DOCK10: variants seen among roughly 807,000 people sequenced by gnomAD.
DOCK10 encodes the protein dedicator of cytokinesis protein 10.
Under a neutral mutation model 280.1 loss-of-function variants are expected in DOCK10, and 145 were observed. The observed-to-expected ratio is 0.52, with a 90% CI of 0.45 to 0.59. The LOEUF (loss-of-function observed/expected upper bound fraction) is 0.59. Ranked by LOEUF, DOCK10 falls within the 20% of genes least tolerant of loss-of-function variation. The pLI is 0.00. For missense variants in DOCK10, 2,368 were observed against 2,651.7 expected (o/e 0.89, Z 2.35); for synonymous variants, 915 against 942.2 (o/e 0.97, Z 0.53).
At chr2:224,899,898 T>G (rs193057056) in intron 3 of DOCK10, among the ~76,000 whole-genome samples, 1 of 152,244 alleles carries the variant, frequency 6.6e-6, no homozygotes, top group Admixed American at 6.5e-5. Flanking sequence ...AACTAGGGGA[T>G]AGAAGGCTTT....
At chr2:224,933,812 A>C (rs762822308) in intron 1 of DOCK10, among the ~76,000 whole-genome samples, 7 of 152,238 alleles carry the variant, frequency 4.6e-5, no homozygotes, top group Non-Finnish European at 8.8e-5. Flanking sequence ...TTATAGGTTT[A>C]AAGGCAAATG....
At chr2:224,966,752 C>G (rs1704766629) in intron 1 of DOCK10, among the ~76,000 whole-genome samples, 1 of 152,190 alleles carries the variant, frequency 6.6e-6, no homozygotes, top group East Asian at 1.9e-4. Context: ...TATTAAGTTT[C>G]TTTGGACCTA....
At chr2:224,792,937 C>CCAATA (rs1692300445) in intron 47 of DOCK10, 37 bp downstream of exon 47, 1 of 1,464,400 alleles carries the variant, frequency 6.8e-7, no homozygotes, top group South Asian at 1.2e-5. Context: ...AGTGGATTTC[C>CCAATA]TCTGCATTGG....
chr2:225,007,971 G>C (rs889239220), intron 1 of DOCK10, among the ~76,000 whole-genome samples: 3 of 151,688 alleles, frequency 2.0e-5, no homozygotes, highest in Admixed American at 2.0e-4. Flanking sequence ...TTTTTCAATG[G>C]AGTGGGGGCA....
At chr2:224,952,255 C>T (rs1302173623) in intron 1 of DOCK10, among the ~76,000 whole-genome samples, 2 of 152,096 alleles carry the variant, frequency 1.3e-5, no homozygotes, top group Non-Finnish European at 2.9e-5. Flanking sequence ...ATTTTGTATG[C>T]GTGTGTTTTA....
Position 224,862,735 on chromosome 2 carries a change from C to T in DOCK10, c.1614G>A (p.Lys538=), listed in dbSNP as rs777556099. 1 of 1,602,750 alleles carries T rather than the reference C, an allele frequency of 6.2e-7. No homozygotes were observed. ...AGAATTGTCTGTTGGATTTTAGTAT[C>T]TTTTGTGCATACTAAAGAAAAAATA... is the stretch of plus-strand genomic sequence containing the variant. ...KNPDSNKYAQ[K]ILKSNRQFCS... Residue 538 remains lysine (K), a synonymous_variant, in exon 14 of 56, where the codon AAG becomes AAA. Coordinates refer to ENST00000258390, the MANE Select transcript of DOCK10 (RefSeq NM_014689.3).
At chr2:225,034,644 C>T (rs1296698464) in intron 1 of DOCK10, among the ~76,000 whole-genome samples, 2 of 152,268 alleles carry the variant, frequency 1.3e-5, no homozygotes, top group South Asian at 2.1e-4. Flanking sequence ...GGACTCCACC[C>T]CTCTTATTTC....
intron 1 of DOCK10, among the ~76,000 whole-genome samples, chr2:225,013,970 A>C (rs1165292649): frequency 1.3e-5 from 2 of 151,918 alleles, no homozygotes; most frequent in Non-Finnish European, 2.9e-5. Context: ...AGAGCCTTTC[A>C]TATTTTTATT....
chr2:224,928,011 G>T (rs1702129853), intron 2 of DOCK10, among the ~76,000 whole-genome samples: 2 of 152,104 alleles, frequency 1.3e-5, no homozygotes, highest in African/African-American at 4.8e-5. Context: ...TTGACTCCGT[G>T]GAGATTGACT....
At chr2:224,772,558 C>T (rs1227183066) in intron 53 of DOCK10, among the ~76,000 whole-genome samples, 1 of 152,170 alleles carries the variant, frequency 6.6e-6, no homozygotes, top group African/African-American at 2.4e-5. Flanking sequence ...TTCCACTAAC[C>T]CTCCTCTCCT....
chr2:224,998,008 T>C (rs929842304), intron 1 of DOCK10, among the ~76,000 whole-genome samples: 2 of 152,120 alleles, frequency 1.3e-5, no homozygotes, highest in Non-Finnish European at 2.9e-5. Flanking sequence ...CAGCTGGCTC[T>C]TGTCTGTTTT....
At chr2:224,881,536 C>A (rs951119057) in intron 7 of DOCK10, among the ~76,000 whole-genome samples, 6 of 152,164 alleles carry the variant, frequency 3.9e-5, no homozygotes, top group African/African-American at 1.4e-4. Context: ...TACATCATTT[C>A]TTTGGGCATC....
At chr2:224,815,619 A>C (rs942862333) in intron 30 of DOCK10, among the ~76,000 whole-genome samples, 36 of 152,306 alleles carry the variant, frequency 2.4e-4, no homozygotes, top group Non-Finnish European at 3.7e-4. Context: ...TTAAAATGGC[A>C]AAACTTTTAT....
At chr2:224,862,886 A>G (rs1027075143) in intron 13 of DOCK10, 140 bp from the exon 14 acceptor site, 1 of 469,694 alleles carries the variant, frequency 2.1e-6, no homozygotes, top group Non-Finnish European at 3.7e-6. Flanking sequence ...ATTACCTTAT[A>G]AAGAGCCAAA....
chr2:224,996,424 G>C (rs1488560161), intron 1 of DOCK10, among the ~76,000 whole-genome samples: 3 of 152,224 alleles, frequency 2.0e-5, no homozygotes, highest in African/African-American at 7.2e-5. Flanking sequence ...ATGGAGAAGA[G>C]ACTTAACTTC....
Position 225,002,134 on chromosome 2 carries a change from T to TA in DOCK10, c.123+40117dup, listed in dbSNP as rs533411474. On this transcript the variant is annotated intron_variant, in intron 1 of 55. Transcript: ENST00000258390. ...ATGACACTTGGGAGGAAAAGTGAGT[T>TA]AGAGTATTTCAAATGTGAAAGGCTA... Among the ~76,000 whole-genome samples the TA allele has an allele frequency of 1.4e-4, 21 of 152,236 alleles. 1 individual carries two copies. Among genetic ancestry groups the TA allele is most frequent in the Middle Eastern group, 3.4e-3 (1 of 294 alleles).
At chr2:224,774,541 G>C (rs1287646681) in intron 52 of DOCK10, among the ~76,000 whole-genome samples, 1 of 152,204 alleles carries the variant, frequency 6.6e-6, no homozygotes, top group Non-Finnish European at 1.5e-5. Flanking sequence ...GAGTGGTTTA[G>C]AATCTTTCCC....
intron 55 of DOCK10, among the ~76,000 whole-genome samples, chr2:224,768,240 A>T (rs1175935500): frequency 6.6e-6 from 1 of 152,144 alleles, no homozygotes; most frequent in African/African-American, 2.4e-5. Context: ...AGTGTTCAAT[A>T]GAATTTTTTT....
intron 1 of DOCK10, among the ~76,000 whole-genome samples, chr2:224,997,184 G>GA (rs760370858): frequency 9.0e-4 from 137 of 151,566 alleles, no homozygotes; most frequent in Middle Eastern, 3.4e-3. Flanking sequence ...TTTGGGGTTG[G>GA]GGTTTGTCCC....
Sources: allele counts gnomAD v4.1 joint callset (sites outside exome capture counted in the v4.1 genomes callset), GRCh38; gene constraint gnomAD v4.1.1; transcripts MANE v1.5; gene names NCBI Gene and HGNC (gene_info 2026-07-23, HGNC 2026-07-21).